The following CNTN3 variants were observed in gnomAD, a reference collection of about 807,000 sequenced individuals.
The protein encoded by CNTN3 is contactin-3.
A neutral mutation model predicts 119.1 loss-of-function variants in CNTN3; 60 were observed. The ratio of observed to expected loss-of-function variants is 0.50; its 90% CI spans 0.41 to 0.62. The LOEUF (loss-of-function observed/expected upper bound fraction) is 0.62, where lower values mean the gene tolerates loss of function less well. CNTN3 is among the 20% of genes least tolerant of loss of function. CNTN3 has a pLI of 0.00. For synonymous variants in CNTN3, 450 were observed against 438.7 expected (o/e 1.03, Z -0.32); for missense variants, 1,101 against 1,242.4 (o/e 0.89, Z 1.71).
Position 74,301,693 on chromosome 3 carries a change from G to C in CNTN3, c.1899C>G (p.Ile633Met). The C allele has an allele frequency of 1.2e-6, 2 of 1,614,098 alleles. No individual in the cohort carries two copies. Among genetic ancestry groups the C allele is most frequent in the Non-Finnish European group, 1.7e-6 (2 of 1,179,990 alleles). The change falls in exon 15 of 23, where the codon ATC (isoleucine) becomes ATG (methionine). Residue 633 changes from isoleucine to methionine, a missense_variant. Physicochemically the swap from Ile to Met is conservative, Grantham distance 10. Coordinates refer to ENST00000263665, the MANE Select transcript of CNTN3 (RefSeq NM_020872.3). Reference sequence around the variant, plus strand: ...CCACGGAGAAAGGTGTCCGAGCCTGGATAGAATAGGATATAACTGGGCTAT... The same window carrying C: ...CCACGGAGAAAGGTGTCCGAGCCTGCATAGAATAGGATATAACTGGGCTAT... Reference protein sequence around the residue: ...DNHSPVISYSIQARTPFSVGW... With the variant: ...DNHSPVISYSMQARTPFSVGW...
chr3:74,481,300 C>A (rs528324600), intron 4 of CNTN3, among the ~76,000 whole-genome samples: 1 of 148,872 alleles, frequency 6.7e-6, no homozygotes, highest in Admixed American at 6.7e-5. Flanking sequence ...TAGAGAATAT[C>A]CATTTTTTTA....
chr3:74,390,563 GA>G (rs1704874015), intron 5 of CNTN3, among the ~76,000 whole-genome samples: 1 of 152,068 alleles, frequency 6.6e-6, no homozygotes, highest in Non-Finnish European at 1.5e-5. Flanking sequence ...GTAGGCATGG[GA>G]AGGGAAAGCA....
chr3:74,444,143 A>G (rs1169237976), intron 4 of CNTN3, among the ~76,000 whole-genome samples: 1 of 152,100 alleles, frequency 6.6e-6, no homozygotes, highest in Non-Finnish European at 1.5e-5. Context: ...GTCTTCTTAT[A>G]ATGACACCAA....
chr3:74,266,751 C>T (rs1701669220), intron 21 of CNTN3, 102 bp from the exon 22 acceptor site: 1 of 971,346 alleles, frequency 1.0e-6, no homozygotes, highest in Non-Finnish European at 1.6e-6. Flanking sequence ...CCTTCTATAT[C>T]CACTAGAATG....
intron 2 of CNTN3, among the ~76,000 whole-genome samples, chr3:74,516,745 A>C (rs562246792): frequency 6.6e-6 from 1 of 151,018 alleles, no homozygotes; most frequent in South Asian, 2.1e-4. Context: ...CCTTCAACGG[A>C]AATTCCAGGC....
At position 74,507,974 on chromosome 3, in the gene CNTN3, C is replaced by T. The variant is rs116784813; in HGVS notation, c.56-8189G>A. 1.7e-3 allele frequency among the ~76,000 whole-genome samples: 259 copies of T among 152,140 alleles called. 1 individual carries two copies. Among genetic ancestry groups the T allele is most frequent in the African/African-American group, 6.0e-3 (248 of 41,512 alleles). Reference sequence around the variant, plus strand: ...AAGTGAGGATCCTGATTTTATACTTCCAGACTACTGAGAGGGATTGAGTTG... The same window carrying T: ...AAGTGAGGATCCTGATTTTATACTTTCAGACTACTGAGAGGGATTGAGTTG... On this transcript the variant is annotated intron_variant, in intron 2 of 22. Coordinates refer to ENST00000263665, the MANE Select transcript of CNTN3 (RefSeq NM_020872.3).
intron 11 of CNTN3, among the ~76,000 whole-genome samples, chr3:74,355,963 C>T (rs968087892): frequency 6.6e-6 from 1 of 151,986 alleles, no homozygotes; most frequent in Non-Finnish European, 1.5e-5. Flanking sequence ...ATTGAACAAT[C>T]AGTTACTCAA....
chr3:74,521,795 A>C (rs1703547387), intron 1 of CNTN3, among the ~76,000 whole-genome samples: 2 of 151,814 alleles, frequency 1.3e-5, no homozygotes, highest in Admixed American at 1.3e-4. Context: ...AATTTTCATA[A>C]ACTTGAATAT....
At chr3:74,494,898 C>A (rs992432678) in intron 3 of CNTN3, among the ~76,000 whole-genome samples, 1 of 152,038 alleles carries the variant, frequency 6.6e-6, no homozygotes, top group Non-Finnish European at 1.5e-5. Flanking sequence ...TGCAATGCAA[C>A]GGTTGGGCAC....
In CNTN3 at chr3:74,371,426, A is replaced by G. The variant is rs1559568557; in HGVS notation, c.455-27T>C. On this transcript the variant is annotated intron_variant, in intron 5 of 22. Transcript: ENST00000263665. ...TAATAAAATTGTTGAAGAGAGAAAG[A>G]AATTCCATCATTAAGGACAGTTTTC... 2.0e-6 allele frequency: 3 copies of G among 1,536,666 alleles called. No individual in the cohort carries two copies. The South Asian group carries it at 3.4e-5, about 17-fold the overall frequency.
At chr3:74,340,428 A>C (rs575896785) in intron 11 of CNTN3, among the ~76,000 whole-genome samples, 3 of 152,180 alleles carry the variant, frequency 2.0e-5, no homozygotes, top group African/African-American at 7.2e-5. Flanking sequence ...AGAGTGAGAG[A>C]GGAAACTGTC....
intron 2 of CNTN3, among the ~76,000 whole-genome samples, chr3:74,510,852 C>G (rs968711420): frequency 1.3e-5 from 2 of 152,076 alleles, no homozygotes; most frequent in Non-Finnish European, 2.9e-5. Context: ...TCAAATCAGT[C>G]ACCTGCTGGC....
At chr3:74,306,447 T>G (rs1702565344) in intron 13 of CNTN3, among the ~76,000 whole-genome samples, 1 of 152,174 alleles carries the variant, frequency 6.6e-6, no homozygotes, top group Non-Finnish European at 1.5e-5. Flanking sequence ...GCTTATCTGT[T>G]AAATTAGTTT....
intron 1 of CNTN3, among the ~76,000 whole-genome samples, chr3:74,546,055 G>A (rs1276920292): frequency 6.6e-6 from 1 of 151,888 alleles, no homozygotes; most frequent in Non-Finnish European, 1.5e-5. Flanking sequence ...GAGTGCAGTG[G>A]CGCGATCTCG....
intron 13 of CNTN3, among the ~76,000 whole-genome samples, chr3:74,332,703 G>A (rs562498934): frequency 1.5e-4 from 23 of 152,266 alleles, no homozygotes; most frequent in African/African-American, 5.5e-4. Flanking sequence ...CTAAGACAGA[G>A]GAACCGTATT....
intron 5 of CNTN3, among the ~76,000 whole-genome samples, chr3:74,391,815 G>A (rs115784142): frequency 0.028 from 4,234 of 151,996 alleles, 185 homozygotes; most frequent in African/African-American, 0.094. Context: ...GTGCCACCAC[G>A]CCCGGCTAAT....
chr3:74,442,435 A>T (rs918083864), intron 4 of CNTN3, among the ~76,000 whole-genome samples: 1 of 152,110 alleles, frequency 6.6e-6, no homozygotes, highest in African/African-American at 2.4e-5. Context: ...ATTCTGTTTC[A>T]TGATGGTCTT....
In CNTN3 at chr3:74,526,675, T is replaced by G. The variant is rs115048505; in HGVS notation, c.-80-5483A>C. 6.1e-3 allele frequency among the ~76,000 whole-genome samples: 922 copies of G among 151,954 alleles called. 5 individuals carry two copies. Among genetic ancestry groups the G allele is most frequent in the Non-Finnish European group, 8.4e-3 (571 of 67,878 alleles). On this transcript the variant is annotated intron_variant, in intron 1 of 22. Transcript: ENST00000263665. ...GTTCAGCAGCAAAGAAGGAAGGATA[T>G]CATGTGCCCAGTTTGATGTTACCTT...
intron 5 of CNTN3, among the ~76,000 whole-genome samples, chr3:74,412,238 T>G (rs150065374): frequency 0.011 from 1,639 of 152,274 alleles, 28 homozygotes; most frequent in African/African-American, 0.038. Context: ...CTCTTTAGAT[T>G]TCCCCTACTC....
Sources: gnomAD v4.1 joint callset for allele counts (sites outside exome capture counted in the v4.1 genomes callset) on GRCh38, gnomAD v4.1.1 for gene constraint, MANE v1.5 for transcripts, NCBI Gene and HGNC (gene_info 2026-07-23, HGNC 2026-07-21) for gene names.